ADAMTS17: variants seen among roughly 807,000 people sequenced by gnomAD.
ADAMTS17 encodes A disintegrin and metalloproteinase with thrombospondin motifs 17.
Under a neutral mutation model 141.5 loss-of-function variants are expected in ADAMTS17, and 113 were observed. The observed-to-expected ratio is 0.80, with a 90% CI of 0.69 to 0.93. The LOEUF is 0.93. Ranked by LOEUF, ADAMTS17 falls within the 40% of genes least tolerant of loss-of-function variation. ADAMTS17 has a pLI of 0.00. For missense variants in ADAMTS17, 1,659 were observed against 1,517.9 expected (o/e 1.09, Z -1.54); for synonymous variants, 768 against 630.6 (o/e 1.22, Z -3.27).
chr15:100,028,035 C>T (rs1344637330), intron 18 of ADAMTS17, among the ~76,000 whole-genome samples: 2 of 152,160 alleles, frequency 1.3e-5, no homozygotes, highest in African/African-American at 2.4e-5. Context: ...ACAAGCTGTA[C>T]AGGCAGAGCC....
At chr15:100,202,115 C>G (rs2041356832) in intron 7 of ADAMTS17, among the ~76,000 whole-genome samples, 1 of 152,184 alleles carries the variant, frequency 6.6e-6, no homozygotes. Context: ...GTGTGCCCAC[C>G]ACGGGCTCTG....
At chr15:100,212,239 C>G (rs1055166695) in intron 7 of ADAMTS17, among the ~76,000 whole-genome samples, 1 of 152,210 alleles carries the variant, frequency 6.6e-6, no homozygotes, top group Admixed American at 6.5e-5. Flanking sequence ...CCCAGCCAGT[C>G]TGGCTGCAGA....
At chr15:100,331,112 G>C in intron 2 of ADAMTS17, 58 bp from the exon 3 acceptor site, 1 of 1,606,642 alleles carries the variant, frequency 6.2e-7, no homozygotes, top group Non-Finnish European at 8.5e-7. Flanking sequence ...ACACGCCCAT[G>C]GCCCCCCGGA....
At chr15:100,043,374 G>T (rs1460360976) in intron 18 of ADAMTS17, among the ~76,000 whole-genome samples, 4 of 151,982 alleles carry the variant, frequency 2.6e-5, no homozygotes, top group Non-Finnish European at 5.9e-5. Context: ...GAGAAGTGGT[G>T]GGGAGGCAGA....
intron 8 of ADAMTS17, among the ~76,000 whole-genome samples, chr15:100,183,544 T>C (rs890389515): frequency 6.6e-6 from 1 of 152,258 alleles, no homozygotes; most frequent in Non-Finnish European, 1.5e-5. Flanking sequence ...TGTTTTTGTT[T>C]CAAGAAAATT....
At chr15:100,320,986 C>T (rs1423218400) in intron 3 of ADAMTS17, among the ~76,000 whole-genome samples, 1 of 152,248 alleles carries the variant, frequency 6.6e-6, no homozygotes, top group Non-Finnish European at 1.5e-5. Context: ...AGCAAGCTGA[C>T]AAAGATATCA....
intron 10 of ADAMTS17, among the ~76,000 whole-genome samples, chr15:100,136,347 G>A (rs1238038659): frequency 3.3e-5 from 5 of 152,206 alleles, no homozygotes; most frequent in Admixed American, 6.5e-5. Flanking sequence ...GACAGCAAAG[G>A]AGAAGTTAGC....
chr15:100,018,557 G>A (rs180873492), intron 18 of ADAMTS17, among the ~76,000 whole-genome samples: 2 of 152,278 alleles, frequency 1.3e-5, no homozygotes, highest in Admixed American at 1.3e-4. Context: ...TCTTCCTCCT[G>A]CTCCAGCCAG....
chr15:100,338,393 C>G lies in ADAMTS17; in HGVS notation c.450+2646G>C, dbSNP rs2046268851. 3.3e-5 allele frequency among the ~76,000 whole-genome samples: 5 copies of G among 152,304 alleles called. No homozygotes were observed. In the South Asian group the frequency reaches 1.0e-3, roughly 32 times the overall value. On this transcript the variant is annotated intron_variant, in intron 2 of 21. Transcript: ENST00000268070. Reference sequence around the variant, plus strand: ...GCCCCCAGCCCAGGCACTCAACACTCTCTACTGAGCCCTTTAGGAGATGTT... The same window carrying G: ...GCCCCCAGCCCAGGCACTCAACACTGTCTACTGAGCCCTTTAGGAGATGTT...
intron 18 of ADAMTS17, among the ~76,000 whole-genome samples, chr15:100,018,869 G>T (rs1006555060): frequency 6.6e-6 from 1 of 152,216 alleles, no homozygotes; most frequent in African/African-American, 2.4e-5. Context: ...ATTTGGCCAT[G>T]ATGGGAGAAA....
At chr15:100,174,567 T>A (rs1415506489) in intron 8 of ADAMTS17, among the ~76,000 whole-genome samples, 7 of 152,244 alleles carry the variant, frequency 4.6e-5, no homozygotes, top group Non-Finnish European at 1.0e-4. Flanking sequence ...GAGGCTCTTC[T>A]AAAGCAATAC....
chr15:100,311,082 G>A (rs1411657710), intron 3 of ADAMTS17, among the ~76,000 whole-genome samples: 3 of 152,184 alleles, frequency 2.0e-5, no homozygotes, highest in Non-Finnish European at 4.4e-5. Context: ...AATGTAACCC[G>A]AAAGCCATTT....
At chr15:100,249,705 G>C (rs1489481945) in intron 7 of ADAMTS17, among the ~76,000 whole-genome samples, 3 of 152,238 alleles carry the variant, frequency 2.0e-5, no homozygotes, top group Non-Finnish European at 2.9e-5. Flanking sequence ...CTCACAATCA[G>C]AAATGCAGAC....
intron 15 of ADAMTS17, among the ~76,000 whole-genome samples, chr15:100,085,211 A>T (rs1385778287): frequency 6.6e-6 from 1 of 152,228 alleles, no homozygotes; most frequent in Non-Finnish European, 1.5e-5. Context: ...AGGCCTCAGT[A>T]GCCGACGTGA....
intron 2 of ADAMTS17, among the ~76,000 whole-genome samples, chr15:100,335,363 T>C (rs1435806364): frequency 6.6e-6 from 1 of 152,126 alleles, no homozygotes; most frequent in Non-Finnish European, 1.5e-5. Flanking sequence ...GTCCCTTATC[T>C]CAGGACAATG....
intron 18 of ADAMTS17, among the ~76,000 whole-genome samples, chr15:100,042,425 T>C (rs961968457): frequency 6.6e-6 from 1 of 152,224 alleles, no homozygotes; most frequent in Non-Finnish European, 1.5e-5. Flanking sequence ...GTATATACTA[T>C]GCACAGATTT....
At chr15:100,191,905 G>C (rs908624448) in intron 8 of ADAMTS17, among the ~76,000 whole-genome samples, 7 of 151,272 alleles carry the variant, frequency 4.6e-5, no homozygotes, top group Non-Finnish European at 8.8e-5. Flanking sequence ...CAGGAGGTTT[G>C]TGGCTTGTCA....
chr15:100,116,707 G>T, intron 13 of ADAMTS17, 140 bp downstream of exon 13: 3 of 1,169,072 alleles, frequency 2.6e-6, no homozygotes, highest in South Asian at 1.3e-5. Context: ...AAGTTGGGCC[G>T]CAGCTGAGCT....
In ADAMTS17 at chr15:100,163,720, G is replaced by A. The variant is rs559021457; in HGVS notation, c.1182-8400C>T. 1.7e-4 allele frequency among the ~76,000 whole-genome samples: 26 copies of A among 152,314 alleles called. No homozygotes were observed. In the South Asian group the frequency reaches 3.7e-3, roughly 22 times the overall value. ...TTTCCAACAGTGGCAGGAAATCTGG[G>A]TATGAAGGATGTAGACAGACACAGT... On this transcript the variant is annotated intron_variant, in intron 8 of 21. Transcript: ENST00000268070.
Sources: allele counts gnomAD v4.1 joint callset (sites outside exome capture counted in the v4.1 genomes callset), GRCh38; gene constraint gnomAD v4.1.1; transcripts MANE v1.5; gene names NCBI Gene and HGNC (gene_info 2026-07-23, HGNC 2026-07-21).